The following GPHN variants were observed in gnomAD, a reference collection of about 807,000 sequenced individuals.
The protein encoded by GPHN is gephyrin.
GPHN carries 17 observed loss-of-function variants against 95.5 expected under a neutral mutation model. The observed-to-expected ratio is 0.18, with a 90% CI of 0.12 to 0.27. The LOEUF is 0.27. GPHN is among the 10% of genes least tolerant of loss of function. GPHN has a pLI of 1.00. For synonymous variants in GPHN, 320 were observed against 322.5 expected (o/e 0.99, Z 0.08); for missense variants, 660 against 978.1 (o/e 0.67, Z 4.34).
At chr14:67,676,296 A>C in the GPHN span, among the ~76,000 whole-genome samples, 3 of 152,180 alleles carry the variant, frequency 2.0e-5, no homozygotes, top group Non-Finnish European at 2.9e-5. Context: ...CTGTTGATTC[A>C]ACACACTTTG....
At chr14:66,537,826 C>T (rs78755696) in intron 1 of GPHN, among the ~76,000 whole-genome samples, 5,303 of 152,176 alleles carry the variant, frequency 0.035, 121 homozygotes, top group Middle Eastern at 0.068. Context: ...GAATTCTGGG[C>T]TGGCATGTGT....
At chr14:66,885,406 TGCTACTA>T (rs2064138051) in intron 5 of GPHN, among the ~76,000 whole-genome samples, 1 of 152,152 alleles carries the variant, frequency 6.6e-6, no homozygotes, top group Non-Finnish European at 1.5e-5. Context: ...TAACCTAGTG[TGCTACTA>T]GCCAACCATT....
chr14:66,546,035 C>T (rs1288182923), intron 1 of GPHN, among the ~76,000 whole-genome samples: 2 of 150,828 alleles, frequency 1.3e-5, no homozygotes, highest in African/African-American at 4.9e-5. Context: ...GGCAGAGACG[C>T]TCCTCACCTC....
At chr14:66,758,541 C>T (rs1018140430) in intron 2 of GPHN, among the ~76,000 whole-genome samples, 2 of 151,708 alleles carry the variant, frequency 1.3e-5, no homozygotes, top group Admixed American at 6.6e-5. Flanking sequence ...GGCCTGAAGG[C>T]GAGAAGAGAG....
At chr14:66,540,991 A>C (rs1185966520) in intron 1 of GPHN, among the ~76,000 whole-genome samples, 2 of 151,274 alleles carry the variant, frequency 1.3e-5, no homozygotes, top group Admixed American at 1.3e-4. Flanking sequence ...ACTGTCACCC[A>C]GGGTGGAGTG....
the GPHN span, among the ~76,000 whole-genome samples, chr14:67,703,435 A>G: frequency 1.3e-5 from 2 of 152,244 alleles, no homozygotes; most frequent in Admixed American, 1.3e-4. Context: ...AAAATTTCTA[A>G]GTCTTCTTAA....
rs562822294 is a variant in GPHN at position 66,654,311 on chromosome 14, T to G, written c.65-26796T>G. Among the ~76,000 whole-genome samples, 11 of 152,154 alleles carry G rather than the reference T, an allele frequency of 7.2e-5. No individual in the cohort carries two copies. In the East Asian group the frequency reaches 1.7e-3, roughly 24 times the overall value. On this transcript the variant is annotated intron_variant, in intron 1 of 22. Transcript: ENST00000478722. ...AGAGGTGAGGTTTCAGCATCTATGG[T>G]CTCGAACCCCTGGCCTCAAGTGATC...
intron 1 of GPHN, among the ~76,000 whole-genome samples, chr14:66,538,532 G>A (rs1443910341): frequency 6.6e-6 from 1 of 151,498 alleles, no homozygotes; most frequent in Non-Finnish European, 1.5e-5. Flanking sequence ...CCTCTTCTGT[G>A]CCAGGTTGAA....
the GPHN span, among the ~76,000 whole-genome samples, chr14:67,614,613 T>A: frequency 6.6e-6 from 1 of 151,502 alleles, no homozygotes; most frequent in Non-Finnish European, 1.5e-5. Context: ...AAAAAAAAAA[T>A]TTGCTGGGTA....
intron 4 of GPHN, among the ~76,000 whole-genome samples, chr14:66,856,573 A>T (rs924436222): frequency 1.3e-5 from 2 of 152,118 alleles, no homozygotes; most frequent in African/African-American, 4.8e-5. Flanking sequence ...CTCATTATTT[A>T]AATTGTATCT....
chr14:67,255,089 C>T, the GPHN span, among the ~76,000 whole-genome samples: 2 of 151,960 alleles, frequency 1.3e-5, no homozygotes, highest in Non-Finnish European at 2.9e-5. Context: ...GCGGAGGTTG[C>T]AGTGAGCCAG....
chr14:67,099,569 G>C (rs1396535889), intron 12 of GPHN, among the ~76,000 whole-genome samples: 2 of 150,812 alleles, frequency 1.3e-5, no homozygotes, highest in Admixed American at 1.3e-4. Context: ...CACAAGAAAG[G>C]CAAGAGTTTA....
chr14:67,152,288 G>A (rs776216927), intron 18 of GPHN, among the ~76,000 whole-genome samples: 8 of 152,024 alleles, frequency 5.3e-5, no homozygotes, highest in Non-Finnish European at 1.2e-4. Context: ...TGCCATAAAT[G>A]TCATATTTAC....
chr14:66,985,900 T>C (rs2153600705), intron 9 of GPHN, among the ~76,000 whole-genome samples: 1 of 152,180 alleles, frequency 6.6e-6, no homozygotes, highest in Middle Eastern at 3.4e-3. Flanking sequence ...ACTTTTTTTT[T>C]GTTTCAGCTA....
chr14:67,659,262 T>A, the GPHN span, among the ~76,000 whole-genome samples: 4 of 152,134 alleles, frequency 2.6e-5, no homozygotes, highest in African/African-American at 9.7e-5. Context: ...CATCTTGACA[T>A]TAAGGTAAAG....
At chr14:67,663,080 G>A in the GPHN span, 1 of 1,482,010 alleles carries the variant, frequency 6.7e-7, no homozygotes, top group South Asian at 1.4e-5. Context: ...TCTGGGTGTG[G>A]CACCGGCAAT....
the GPHN span, chr14:67,241,522 CGAGGCGTGGAGGTAA>C: frequency 2.0e-5 from 3 of 152,428 alleles, no homozygotes; most frequent in Middle Eastern, 3.4e-3. Context: ...TCCGCGGAGC[CGAGGCGTGGAGGTAA>C]GAGGCGGATC....
At chr14:67,559,963 G>A in the GPHN span, among the ~76,000 whole-genome samples, 1 of 152,066 alleles carries the variant, frequency 6.6e-6, no homozygotes, top group Non-Finnish European at 1.5e-5. Context: ...AGCCCCCTCA[G>A]TTTCTTTCTA....
At chr14:67,491,819 C>T in the GPHN span, among the ~76,000 whole-genome samples, 25 of 152,310 alleles carry the variant, frequency 1.6e-4, no homozygotes, top group African/African-American at 5.8e-4. Context: ...CAAAAGCAAT[C>T]AGTATTCCAG....
Sources: gnomAD v4.1 joint callset for allele counts (sites outside exome capture counted in the v4.1 genomes callset) on GRCh38, gnomAD v4.1.1 for gene constraint, MANE v1.5 for transcripts, NCBI Gene and HGNC (gene_info 2026-07-23, HGNC 2026-07-21) for gene names.